Variants in TTC7B observed in about 807,000 individuals in gnomAD.
The protein encoded by TTC7B is tetratricopeptide repeat protein 7B.
A neutral mutation model predicts 106.8 loss-of-function variants in TTC7B; 28 were observed. The ratio of observed to expected loss-of-function variants is 0.26; its 90% CI spans 0.19 to 0.36. The LOEUF (loss-of-function observed/expected upper bound fraction) is 0.36. TTC7B is among the 10% of genes least tolerant of loss of function. The pLI is 1.00. For missense variants in TTC7B, 862 were observed against 1,076.4 expected, an observed-to-expected ratio of 0.80 and a Z score of 2.79; for synonymous variants, 405 against 430.6, an observed-to-expected ratio of 0.94 and a Z score of 0.74.
intron 4 of TTC7B, among the ~76,000 whole-genome samples, chr14:90,734,294 C>T (rs965039061): frequency 6.6e-6 from 1 of 151,958 alleles, no homozygotes; most frequent in African/African-American, 2.4e-5. Flanking sequence ...GTGGCACGTG[C>T]CTGTAGACCC....
chr14:90,620,353 G>A (rs1893258793), intron 15 of TTC7B, among the ~76,000 whole-genome samples: 1 of 152,182 alleles, frequency 6.6e-6, no homozygotes, highest in East Asian at 1.9e-4. Flanking sequence ...CGCTCAGGGT[G>A]CCTCTGTGGG....
intron 17 of TTC7B, among the ~76,000 whole-genome samples, chr14:90,603,456 A>G (rs1016091923): frequency 1.1e-4 from 16 of 152,168 alleles, no homozygotes; most frequent in African/African-American, 3.9e-4. Context: ...AGTGGCACAC[A>G]TTTTTCCACT....
rs1320233562 is a variant in TTC7B at position 90,663,189 on chromosome 14, G to A, written c.1153-4802C>T. On this transcript the variant is annotated intron_variant, in intron 9 of 19. Transcript: ENST00000328459. The surrounding 1 kb of genome is among the most constrained non-coding windows in gnomAD (Gnocchi z 4.5). ...CCTTTATCATCGTCCATTTGCAGGT[G>A]AGGAAACTGAGATGCAGAGTTGTTA... Among the ~76,000 whole-genome samples, 2 of 152,236 alleles carry A rather than the reference G, an allele frequency of 1.3e-5. No individual in the cohort carries two copies. Among genetic ancestry groups the A allele is most frequent in the South Asian group, 2.1e-4 (1 of 4,826 alleles).
At chr14:90,561,904 G>GA (rs1376291928) in intron 19 of TTC7B, among the ~76,000 whole-genome samples, 5 of 152,138 alleles carry the variant, frequency 3.3e-5, no homozygotes, top group Admixed American at 6.5e-5. Context: ...AAGGTGGACT[G>GA]AAAAAACGTA....
chr14:90,780,381 C>CA (rs1355937491), intron 3 of TTC7B, among the ~76,000 whole-genome samples: 22 of 100,412 alleles, frequency 2.2e-4, no homozygotes, highest in African/African-American at 6.6e-4. Flanking sequence ...AACTCCATCT[C>CA]AAAAAAAAAG....
intron 15 of TTC7B, among the ~76,000 whole-genome samples, chr14:90,642,018 CA>C (rs2139878174): frequency 6.6e-6 from 1 of 151,978 alleles, no homozygotes; most frequent in Admixed American, 6.6e-5. Context: ...ACACTGAATT[CA>C]ATTGCATCAG....
At chr14:90,734,857 C>A (rs1889459759) in intron 4 of TTC7B, among the ~76,000 whole-genome samples, 1 of 152,256 alleles carries the variant, frequency 6.6e-6, no homozygotes, top group South Asian at 2.1e-4. Context: ...GATCTCGGCT[C>A]ACTGCAACCT....
In TTC7B at chr14:90,657,555, T is replaced by A. The variant is rs1250945664; in HGVS notation, c.1237-277A>T. ...AGCTATTGGAAAATTAAGAAAAACA[T>A]AAAGATGGTGGAAGTTTGTTCTTAT... On this transcript the variant is annotated intron_variant, in intron 10 of 19. Coordinates refer to ENST00000328459, the MANE Select transcript of TTC7B (RefSeq NM_001010854.2). The surrounding 1 kb of genome is among the most constrained non-coding windows in gnomAD (Gnocchi z 4.2). 2 of 280,856 alleles carry A rather than the reference T, an allele frequency of 7.1e-6. No individual in the cohort carries two copies. The highest frequency in any genetic ancestry group is 1.3e-5 in the Non-Finnish European group (2 of 149,944). The allele number at this position is 280,856 out of a possible 1,614,324, so 17.4% of individuals were successfully genotyped here. A position where few individuals can be genotyped will look rare whatever the true frequency, so the allele number is the denominator to read the frequency against.
At chr14:90,659,328 G>A (rs1266903453) in intron 9 of TTC7B, among the ~76,000 whole-genome samples, 1 of 151,870 alleles carries the variant, frequency 6.6e-6, no homozygotes. Flanking sequence ...AATGGGGAAG[G>A]AAGCTGTCAT....
chr14:90,770,185 G>A (rs1448805085), intron 3 of TTC7B, among the ~76,000 whole-genome samples: 1 of 152,042 alleles, frequency 6.6e-6, no homozygotes, highest in African/African-American at 2.4e-5. Flanking sequence ...AAAGAAGGAT[G>A]TTATATATTA....
intron 1 of TTC7B, among the ~76,000 whole-genome samples, chr14:90,786,874 C>T (rs1280288819): frequency 6.6e-6 from 1 of 152,178 alleles, no homozygotes; most frequent in East Asian, 1.9e-4. Context: ...AGCCACTGCG[C>T]CTGGCTGCCG....
rs370086604 is a variant in TTC7B, at chr14:90,774,671, C to T, written c.445+6067G>A. On this transcript the variant is annotated intron_variant, in intron 3 of 19. Coordinates refer to ENST00000328459, the MANE Select transcript of TTC7B (RefSeq NM_001010854.2). ...CTGACTTCTAGGTACTCCCCATCCT[C>T]CAACATCAGCAACAACTTTCCCTTC... Among the ~76,000 whole-genome samples the T allele has an allele frequency of 1.4e-3, 211 of 152,356 alleles. 5 individuals are homozygous for T. In the South Asian group the frequency reaches 0.042, roughly 31 times the overall value.
At chr14:90,748,871 T>C (rs896550060) in intron 3 of TTC7B, among the ~76,000 whole-genome samples, 2 of 152,214 alleles carry the variant, frequency 1.3e-5, no homozygotes, top group African/African-American at 4.8e-5. Context: ...TTCTCTTGTG[T>C]AAATTCATAT....
At chr14:90,580,334 G>A (rs1891436823) in intron 18 of TTC7B, among the ~76,000 whole-genome samples, 1 of 152,220 alleles carries the variant, frequency 6.6e-6, no homozygotes, top group Admixed American at 6.5e-5. Context: ...TGGTGATCCA[G>A]TAGGTACTAT....
intron 1 of TTC7B, among the ~76,000 whole-genome samples, chr14:90,796,452 C>T (rs953581683): frequency 6.6e-6 from 1 of 152,192 alleles, no homozygotes; most frequent in Non-Finnish European, 1.5e-5. Flanking sequence ...AGCCAGTCCC[C>T]TGAGCCCTGT....
chr14:90,593,653 A>G (rs1892069822), intron 17 of TTC7B, 27 bp from the exon 18 acceptor site: 1 of 1,555,920 alleles, frequency 6.4e-7, no homozygotes, highest in South Asian at 1.2e-5. Context: ...AGAAGACTCT[A>G]TCAGGAGCGA....
intron 5 of TTC7B, among the ~76,000 whole-genome samples, chr14:90,697,052 G>C (rs1887781433): frequency 6.6e-6 from 1 of 152,162 alleles, no homozygotes; most frequent in Non-Finnish European, 1.5e-5. Flanking sequence ...CTTTGTTCCA[G>C]AATCACGGAT....
intron 5 of TTC7B, among the ~76,000 whole-genome samples, chr14:90,700,002 C>T (rs554883011): frequency 5.7e-4 from 87 of 152,338 alleles, no homozygotes; most frequent in Admixed American, 5.2e-4. Context: ...TGAAAAAGAA[C>T]CATCATGAGC....
chr14:90,813,200 C>A (rs2030999176), intron 1 of TTC7B, among the ~76,000 whole-genome samples: 1 of 152,206 alleles, frequency 6.6e-6, no homozygotes, highest in African/African-American at 2.4e-5. Flanking sequence ...ACTAGTAGTT[C>A]CTGCAACCCC....
Sources: allele counts gnomAD v4.1 joint callset (sites outside exome capture counted in the v4.1 genomes callset), GRCh38; gene constraint gnomAD v4.1.1; non-coding constraint Gnocchi (gnomAD v3.1); transcripts MANE v1.5; gene names NCBI Gene and HGNC (gene_info 2026-07-23, HGNC 2026-07-21).